ERAP1: variants seen among roughly 807,000 people sequenced by gnomAD.
The protein encoded by ERAP1 is endoplasmic reticulum aminopeptidase 1, also known as adipocyte-derived leucine aminopeptidase.
A neutral mutation model predicts 103.7 loss-of-function variants in ERAP1; 86 were observed. The observed-to-expected ratio is 0.83, with a 90% CI of 0.70 to 0.99. The LOEUF is 0.99. Among genes scored for constraint, ERAP1 ranks in the 50% least tolerant of loss-of-function variants. ERAP1 has a pLI of 0.00. For synonymous variants in ERAP1, 398 were observed against 402.4 expected, an observed-to-expected ratio of 0.99 and a Z score of 0.13; for missense variants, 1,009 against 1,128.4, an observed-to-expected ratio of 0.89 and a Z score of 1.52.
chr5:96,902,301 C>G, the ERAP1 span: 4 of 1,611,990 alleles, frequency 2.5e-6, no homozygotes, highest in South Asian at 3.3e-5. Context: ...CATTGACCTA[C>G]TCCACGAGTT....
At chr5:96,824,688 C>G in the ERAP1 span, among the ~76,000 whole-genome samples, 1 of 152,138 alleles carries the variant, frequency 6.6e-6, no homozygotes, top group Non-Finnish European at 1.5e-5. Flanking sequence ...ACCATCTTAT[C>G]AAAAAGTAGT....
At chr5:96,852,882 A>C in the ERAP1 span, among the ~76,000 whole-genome samples, 1 of 152,144 alleles carries the variant, frequency 6.6e-6, no homozygotes. Context: ...TGCTACAGGA[A>C]TTTTCATGGC....
the ERAP1 span, among the ~76,000 whole-genome samples, chr5:96,863,092 C>T: frequency 1.3e-5 from 2 of 152,082 alleles, no homozygotes; most frequent in Non-Finnish European, 2.9e-5. Context: ...GATCCACCTG[C>T]ACTATCCTCT....
chr5:96,896,700 T>C, the ERAP1 span: 248 of 1,543,950 alleles, frequency 1.6e-4, no homozygotes, highest in Non-Finnish European at 2.1e-4. Context: ...TTTCTTTATC[T>C]CTTTTTTCAA....
chr5:96,808,080 A>G (rs560075303), upstream of ERAP1: 15 of 985,420 alleles, frequency 1.5e-5, no homozygotes, highest in Admixed American at 6.8e-4. Context: ...GGAAGCCGCA[A>G]CTCCCAGGAA....
At chr5:96,779,977 C>CTT (rs1417182906) in intron 18 of ERAP1, among the ~76,000 whole-genome samples, 1 of 152,180 alleles carries the variant, frequency 6.6e-6, no homozygotes, top group East Asian at 1.9e-4. Flanking sequence ...ATACATGGAT[C>CTT]TTAAAGCTGC....
chr5:96,811,192 A>G (rs1241085793), upstream of ERAP1, among the ~76,000 whole-genome samples: 1 of 152,212 alleles, frequency 6.6e-6, no homozygotes, highest in African/African-American at 2.4e-5. Context: ...GTTGCAGAGC[A>G]GGCTTGCTTA....
chr5:96,793,014 A>G (rs868312565), intron 7 of ERAP1, among the ~76,000 whole-genome samples: 2 of 152,202 alleles, frequency 1.3e-5, no homozygotes, highest in South Asian at 2.1e-4. Flanking sequence ...TACCTTAAGT[A>G]TAACTCATTT....
chr5:96,767,845 G>T (rs1219470340), intron 19 of ERAP1: 2 of 930,222 alleles, frequency 2.2e-6, no homozygotes, highest in Admixed American at 1.9e-5. Flanking sequence ...TGTGGGAAAA[G>T]ACCCCATATT....
chr5:96,770,541 A>G (rs1771909277), downstream of ERAP1: 1 of 1,612,402 alleles, frequency 6.2e-7, no homozygotes, highest in Non-Finnish European at 8.5e-7. Flanking sequence ...GATAAGTGCA[A>G]GAAGGCTGCT....
chr5:96,897,411 C>G, the ERAP1 span, among the ~76,000 whole-genome samples: 1 of 152,194 alleles, frequency 6.6e-6, no homozygotes, highest in Admixed American at 6.5e-5. Flanking sequence ...ACTGTTCCAG[C>G]CCTCATTCGT....
the ERAP1 span, among the ~76,000 whole-genome samples, chr5:96,868,090 C>A: frequency 1.3e-5 from 2 of 150,764 alleles, no homozygotes; most frequent in Non-Finnish European, 2.9e-5. Context: ...AAAAGAAAAA[C>A]AAACAAACAA....
chr5:96,840,888 T>C, the ERAP1 span, among the ~76,000 whole-genome samples: 2 of 152,016 alleles, frequency 1.3e-5, no homozygotes, highest in Admixed American at 6.6e-5. Flanking sequence ...CTATTTTTAG[T>C]AGAGACAGGG....
At chr5:96,780,951 T>G (rs112717698) in intron 17 of ERAP1, 107 bp downstream of exon 17, 1 of 1,354,378 alleles carries the variant, frequency 7.4e-7, no homozygotes, top group Non-Finnish European at 1.0e-6. Flanking sequence ...CTATCTTCAA[T>G]CAAAAAGTAC....
Position 96,792,085 on chromosome 5 carries a change from C to T in ERAP1, c.1296G>A (p.Met432Ile), listed in dbSNP as rs1229260914. 1 of 1,614,126 alleles carries T rather than the reference C, an allele frequency of 6.2e-7. No individual in the cohort carries two copies. The highest frequency in any genetic ancestry group is 8.5e-7 in the Non-Finnish European group (1 of 1,179,942). The change falls in exon 8 of 19, where the codon ATG (methionine) becomes ATA (isoleucine). Residue 432 changes from methionine (M) to isoleucine (I), a missense_variant. This residue lies in a region of ERAP1 where 611 missense variants were observed against 651.7 expected (regional missense o/e 0.94). Coordinates refer to ENST00000443439, the MANE Select transcript of ERAP1 (RefSeq NM_001040458.3). ...PVENPAQIRE[M>I]FDDVSYDKGA... Reference sequence around the variant, plus strand: ...CCTTATCATAAGAAACATCATCAAACATCTCCCGGATCTGAGCAGGATTTT... The same window carrying T: ...CCTTATCATAAGAAACATCATCAAATATCTCCCGGATCTGAGCAGGATTTT...
chr5:96,824,313 G>A, the ERAP1 span, among the ~76,000 whole-genome samples: 1 of 152,150 alleles, frequency 6.6e-6, no homozygotes, highest in Non-Finnish European at 1.5e-5. Context: ...TGGGTTGGGA[G>A]CTCAGGTTCT....
At chr5:96,828,173 G>A in the ERAP1 span, among the ~76,000 whole-genome samples, 21 of 152,288 alleles carry the variant, frequency 1.4e-4, no homozygotes, top group East Asian at 3.7e-3. Flanking sequence ...CTTTTATGGT[G>A]TCTAGCTCCT....
At chr5:96,777,356 G>A (rs944069415) in intron 18 of ERAP1, among the ~76,000 whole-genome samples, 45 of 152,148 alleles carry the variant, frequency 3.0e-4, no homozygotes, top group Admixed American at 2.6e-3. Context: ...TTCAGGAAGC[G>A]AATGTAGACC....
chr5:96,903,402 C>T, the ERAP1 span: 12 of 1,612,858 alleles, frequency 7.4e-6, no homozygotes, highest in Non-Finnish European at 1.0e-5. Context: ...CTGAAAAGAC[C>T]AGTTGGGTGA....
Sources: gnomAD v4.1 joint callset for allele counts (sites outside exome capture counted in the v4.1 genomes callset) on GRCh38, gnomAD v4.1.1 for gene constraint, gnomAD v4.1.1 regional missense constraint, MANE v1.5 for transcripts, NCBI Gene and HGNC (gene_info 2026-07-23, HGNC 2026-07-21) for gene names.